Variants in SNTG1 observed in about 807,000 individuals in gnomAD.
SNTG1 encodes gamma-1-syntrophin.
Under a neutral mutation model 74.7 loss-of-function variants are expected in SNTG1, and 39 were observed. The ratio of observed to expected loss-of-function variants is 0.52; its 90% CI spans 0.40 to 0.68. The LOEUF (loss-of-function observed/expected upper bound fraction) is 0.68. Ranked by LOEUF, SNTG1 falls within the 30% of genes least tolerant of loss-of-function variation. The pLI, the probability that SNTG1 is intolerant of heterozygous loss-of-function variation, is 0.00. For missense variants in SNTG1, 685 were observed against 609.5 expected, an observed-to-expected ratio of 1.12 and a Z score of -1.30; for synonymous variants, 254 against 217.1, an observed-to-expected ratio of 1.17 and a Z score of -1.49.
chr8:50,739,303 T>C (rs1260903853), intron 17 of SNTG1, among the ~76,000 whole-genome samples: 2 of 151,876 alleles, frequency 1.3e-5, no homozygotes, highest in African/African-American at 2.4e-5. Flanking sequence ...CCAACAAGCA[T>C]ATGAAAAAAA....
chr8:50,217,648 A>G (rs2084859119), intron 2 of SNTG1, among the ~76,000 whole-genome samples: 1 of 57,844 alleles, frequency 1.7e-5, no homozygotes, highest in Non-Finnish European at 3.0e-5. Flanking sequence ...TAAAGGTTCC[A>G]TGGTTCCATT....
chr8:50,335,128 C>G (rs556315670), intron 2 of SNTG1, among the ~76,000 whole-genome samples: 1 of 152,300 alleles, frequency 6.6e-6, no homozygotes, highest in Non-Finnish European at 1.5e-5. Flanking sequence ...TTGACCTTGT[C>G]TTGTTTATCA....
intron 2 of SNTG1, among the ~76,000 whole-genome samples, chr8:50,376,756 T>TATATATATATATATAGAGAG (rs1381048539): frequency 1.9e-4 from 17 of 89,956 alleles, no homozygotes; most frequent in South Asian, 4.2e-4. Context: ...TATATATATA[T>TATATATATATATATAGAGAG]AGAGAGAGAG....
chr8:50,199,052 G>T (rs2083884772), intron 2 of SNTG1, among the ~76,000 whole-genome samples: 1 of 152,110 alleles, frequency 6.6e-6, no homozygotes, highest in Non-Finnish European at 1.5e-5. Context: ...ATGTCATCAG[G>T]CTCAGATTTG....
intron 8 of SNTG1, among the ~76,000 whole-genome samples, chr8:50,470,600 G>C (rs2093644798): frequency 6.6e-6 from 1 of 152,176 alleles, no homozygotes; most frequent in African/African-American, 2.4e-5. Flanking sequence ...GGCTTCAGGA[G>C]TGAAGGTGCA....
At position 50,565,367 on chromosome 8, in the gene SNTG1, TAATA is replaced by T. The variant is rs528901896; in HGVS notation, c.810+12192_810+12195del. Among the ~76,000 whole-genome samples the T allele has an allele frequency of 1.9e-3, 295 of 152,148 alleles. 2 individuals are homozygous for T. Among genetic ancestry groups the T allele is most frequent in the African/African-American group, 6.8e-3 (283 of 41,562 alleles). ...ATTCATATCATTGTATTATTAATCA[TAATA>T]AATGTGTCATTGTTATGAAATGTAA... On this transcript the variant is annotated intron_variant, in intron 12 of 18. Transcript: ENST00000642720.
intron 2 of SNTG1, among the ~76,000 whole-genome samples, chr8:50,228,119 C>T (rs1272186427): frequency 6.6e-6 from 1 of 151,332 alleles, no homozygotes; most frequent in Non-Finnish European, 1.5e-5. Flanking sequence ...GTGATAGAAA[C>T]TCTAAAAATG....
intron 1 of SNTG1, among the ~76,000 whole-genome samples, chr8:49,963,950 A>G (rs1394874973): frequency 1.3e-5 from 2 of 152,186 alleles, no homozygotes; most frequent in Non-Finnish European, 1.5e-5. Context: ...TGAGAAAAAT[A>G]GCTTGCATCA....
chr8:50,213,546 T>G (rs2084625820), intron 2 of SNTG1, among the ~76,000 whole-genome samples: 1 of 152,138 alleles, frequency 6.6e-6, no homozygotes, highest in South Asian at 2.1e-4. Flanking sequence ...TAGAAAAAAA[T>G]CAAAATTTTC....
intron 15 of SNTG1, among the ~76,000 whole-genome samples, chr8:50,690,507 C>A (rs912480766): frequency 2.0e-5 from 3 of 151,982 alleles, no homozygotes; most frequent in Admixed American, 6.6e-5. Context: ...CATTATTTAC[C>A]CAGTAGTCAT....
chr8:50,257,635 TG>T (rs1326602460), intron 2 of SNTG1, among the ~76,000 whole-genome samples: 4 of 152,196 alleles, frequency 2.6e-5, no homozygotes. Context: ...AATCAGTCCT[TG>T]GCGATGGCCT....
chr8:50,408,398 T>G (rs1029561427), intron 4 of SNTG1, among the ~76,000 whole-genome samples: 1 of 151,810 alleles, frequency 6.6e-6, no homozygotes, highest in African/African-American at 2.4e-5. Flanking sequence ...CACTAGGGAG[T>G]CAGTTATGCC....
intron 2 of SNTG1, among the ~76,000 whole-genome samples, chr8:50,328,239 A>G (rs1042010522): frequency 2.0e-5 from 3 of 152,178 alleles, no homozygotes; most frequent in Non-Finnish European, 2.9e-5. Context: ...AATTCTCTGA[A>G]CTTTTGTTAG....
intron 17 of SNTG1, among the ~76,000 whole-genome samples, chr8:50,735,193 T>C (rs2095525174): frequency 6.6e-6 from 1 of 151,612 alleles, no homozygotes; most frequent in Non-Finnish European, 1.5e-5. Flanking sequence ...CTGTATGCTG[T>C]ACACAAGAGG....
intron 18 of SNTG1, among the ~76,000 whole-genome samples, chr8:50,777,757 T>C (rs924776122): frequency 8.6e-5 from 13 of 151,982 alleles, no homozygotes; most frequent in Non-Finnish European, 4.4e-5. Flanking sequence ...AATGTGCAGG[T>C]TAGTTACATA....
chr8:50,729,910 G>A (rs2095508848), intron 17 of SNTG1, among the ~76,000 whole-genome samples: 1 of 152,128 alleles, frequency 6.6e-6, no homozygotes, highest in Non-Finnish European at 1.5e-5. Flanking sequence ...TCATTATGAT[G>A]GGTAAAAAGG....
intron 9 of SNTG1, among the ~76,000 whole-genome samples, chr8:50,529,610 A>G (rs981458545): frequency 6.6e-6 from 1 of 152,106 alleles, no homozygotes; most frequent in African/African-American, 2.4e-5. Flanking sequence ...GGCATTACTC[A>G]TCTTTAAAAA....
At chr8:50,255,834 A>G in intron 2 of SNTG1, among the ~76,000 whole-genome samples, 1 of 152,162 alleles carries the variant, frequency 6.6e-6, no homozygotes, top group East Asian at 1.9e-4. Flanking sequence ...AGTTCAACAT[A>G]AGAATTTGGG....
chr8:50,396,942 C>T (rs2092735567), intron 3 of SNTG1, among the ~76,000 whole-genome samples: 1 of 152,128 alleles, frequency 6.6e-6, no homozygotes, highest in South Asian at 2.1e-4. Context: ...AATTCATAAA[C>T]ATTTTCTTGA....
Sources: allele counts gnomAD v4.1 joint callset (sites outside exome capture counted in the v4.1 genomes callset), GRCh38; gene constraint gnomAD v4.1.1; transcripts MANE v1.5; gene names NCBI Gene and HGNC (gene_info 2026-07-23, HGNC 2026-07-21).